Variants in SMPD1 observed in about 807,000 individuals in gnomAD.
SMPD1 encodes sphingomyelin phosphodiesterase 1, also known as sphingomyelin phosphodiesterase.
In SMPD1, 47 loss-of-function variants were observed where a neutral mutation model predicts 49.7. The observed-to-expected ratio is 0.95, with a 90% CI of 0.75 to 1.21. The LOEUF (loss-of-function observed/expected upper bound fraction) is 1.21, where lower values mean the gene tolerates loss of function less well. Ranked by LOEUF, SMPD1 falls within the 50% of genes most tolerant of loss-of-function variation. SMPD1 has a pLI of 0.00. For missense variants in SMPD1, 811 were observed against 822.2 expected (o/e 0.99, Z 0.17); for synonymous variants, 336 against 339.6 (o/e 0.99, Z 0.12).
rs766472784 is a variant in SMPD1 at position 6,393,360 on chromosome 11, T to A, written c.1236T>A (p.Leu412=). Residue 412 remains leucine, a synonymous_variant, in exon 3 of 6, where the codon CTT becomes CTA. Coordinates refer to ENST00000342245, the MANE Select transcript of SMPD1 (RefSeq NM_000543.5). ...AGCTCCAGTGGCTGGTGGGGGAGCT[T>A]CAGGCTGCTGAGGATCGAGGAGACA... ...AGQLQWLVGE[L]QAAEDRGDKV... 6.2e-7 allele frequency: 1 copy of A among 1,613,820 alleles called. No homozygotes were observed. Among genetic ancestry groups the A allele is most frequent in the South Asian group, 1.1e-5 (1 of 91,064 alleles).
intron 3 of SMPD1, 39 bp downstream of exon 3, chr11:6,393,426 C>T (rs1245287819): frequency 6.3e-7 from 1 of 1,592,220 alleles, no homozygotes; most frequent in Admixed American, 1.7e-5. Flanking sequence ...TGCTGGGGGA[C>T]AAGCAGGCTC....
rs142147633 is a variant in SMPD1 at position 6,391,599 on chromosome 11, C to T, written c.534C>T (p.Ile178=). ...GGGACATTTTCTCATCTTGGAACAT[C>T]TCTTTGCCTACTGTGCCGAAGCCGC... The part of the protein sequence containing the change: ...GHWDIFSSWN[I]SLPTVPKPPP... Residue 178 remains isoleucine (I), a synonymous_variant, in exon 2 of 6, where the codon ATC becomes ATT. Transcript: ENST00000342245. The T allele has an allele frequency of 1.6e-5, 25 of 1,607,252 alleles. 1 individual carries two copies. In the African/African-American group the frequency reaches 2.4e-4, roughly 15 times the overall value.
chr11:6,392,989 A>C (rs1231982489), intron 2 of SMPD1, among the ~76,000 whole-genome samples: 2 of 151,160 alleles, frequency 1.3e-5, no homozygotes, highest in African/African-American at 2.4e-5. Context: ...CTTGCTTCCC[A>C]TTCTAGCTAA....
At chr11:6,393,839 C>A in intron 4 of SMPD1, 57 bp from the exon 5 acceptor site, 1 of 1,606,716 alleles carries the variant, frequency 6.2e-7, no homozygotes, top group Non-Finnish European at 8.5e-7. Flanking sequence ...ATCCTATCTC[C>A]CCAGATGTCT....
At position 6,393,326 on chromosome 11, in the gene SMPD1, C is replaced by G. The variant is rs1206562843; in HGVS notation, c.1202C>G (p.Pro401Arg). 1 of 1,613,894 alleles carries G rather than the reference C, an allele frequency of 6.2e-7. No homozygotes were observed. The highest frequency in any genetic ancestry group is 2.2e-5 in the East Asian group (1 of 44,900). The change falls in exon 3 of 6, where the codon CCC becomes CGC. Residue 401 changes from proline to arginine, a missense_variant. By Grantham distance (103) the Pro-to-Arg change is moderately radical (BLOSUM62 -2). Coordinates refer to ENST00000342245, the MANE Select transcript of SMPD1 (RefSeq NM_000543.5). ...TGGCTCTTGATCAACTCCACGGATCCCGCAGGACAGCTCCAGTGGCTGGTG... is the reference window on the plus strand; with the variant it reads ...TGGCTCTTGATCAACTCCACGGATCGCGCAGGACAGCTCCAGTGGCTGGTG... Reference protein sequence around the residue: ...NFWLLINSTDPAGQLQWLVGE... With the variant: ...NFWLLINSTDRAGQLQWLVGE...
intron 1 of SMPD1, 141 bp downstream of exon 1, chr11:6,391,057 C>T (rs1847888073): frequency 8.9e-7 from 1 of 1,118,568 alleles, no homozygotes; most frequent in Non-Finnish European, 1.3e-6. Flanking sequence ...AGTTTGCTCC[C>T]CTTTGGGGAC....
Position 6,394,712 on chromosome 11 carries a change from G to A in SMPD1, c.*105G>A. The A allele has an allele frequency of 2.1e-6, 2 of 963,434 alleles. No homozygotes were observed. The highest frequency in any genetic ancestry group is 3.2e-6 in the Non-Finnish European group (2 of 628,744). 59.7% of individuals were successfully genotyped at this position (963,434 alleles called of 1,614,324 possible). A position where few individuals can be genotyped will look rare whatever the true frequency, so the allele number is the denominator to read the frequency against. Reference sequence around the variant, plus strand: ...GCAAGATCATCCGGTGAAAGAACCAGTCCCTGGGCCCCAAGGATGCCGGGG... The same window carrying A: ...GCAAGATCATCCGGTGAAAGAACCAATCCCTGGGCCCCAAGGATGCCGGGG... On this transcript the variant is annotated 3_prime_UTR_variant, in exon 6 of 6. Transcript: ENST00000342245.
rs755160837 is a variant in SMPD1 at position 6,393,376 on chromosome 11, C to G, written c.1252C>G (p.Arg418Gly). The G allele has an allele frequency of 6.2e-7, 1 of 1,612,758 alleles. No individual in the cohort carries two copies. The highest frequency in any genetic ancestry group is 1.7e-5 in the Admixed American group (1 of 59,956). ...LVGELQAAED[R>G]GDKVHIIGHI... ...GGGGGAGCTTCAGGCTGCTGAGGAT[C>G]GAGGAGACAAAGTGAGGGCCAGTAG... is the stretch of plus-strand genomic sequence containing the variant. The change falls in exon 3 of 6, where the codon CGA (arginine) becomes GGA (glycine). Residue 418 changes from arginine to glycine, a missense_variant. Physicochemically the swap from Arg to Gly is moderately radical, Grantham distance 125. Transcript: ENST00000342245.
Position 6,394,594 on chromosome 11 carries a change from C to A in SMPD1, c.1883C>A (p.Pro628Gln). 6.2e-7 allele frequency: 1 copy of A among 1,602,584 alleles called. No individual in the cohort carries two copies. The highest frequency in any genetic ancestry group is 8.5e-7 in the Non-Finnish European group (1 of 1,179,920). ...LPEAQSLWPR[P>Q]LFC ...GAGGCCCAGAGCCTGTGGCCAAGGC[C>A]ACTGTTTTGCTAGGGCCCCAGGGCC... Residue 628 changes from proline to glutamine, a missense_variant, in exon 6 of 6, where the codon CCA becomes CAA. Coordinates refer to ENST00000342245, the MANE Select transcript of SMPD1 (RefSeq NM_000543.5).
At position 6,390,663 on chromosome 11, in the gene SMPD1, A is replaced by G. The variant is rs765485028; in HGVS notation, c.65A>G (p.Asp22Gly). Residue 22 changes from aspartate to glycine, a missense_variant, in exon 1 of 6, where the codon GAC becomes GGC. Asp to Gly is a moderately conservative substitution (Grantham distance 94). Coordinates refer to ENST00000342245, the MANE Select transcript of SMPD1 (RefSeq NM_000543.5). ...CPRSGREQGQ[D>G]GTAGAPGLLW... is the part of the protein sequence containing the mutation. ...AGGTCCGGCCGGGAGCAGGGACAAG[A>G]CGGGACCGCCGGAGCCCCCGGACTC... 3.7e-6 allele frequency: 6 copies of G among 1,612,860 alleles called. No individual in the cohort carries two copies. The highest frequency in any genetic ancestry group is 1.3e-5 in the African/African-American group (1 of 74,718).
At position 6,390,588 on chromosome 11, in the gene SMPD1, G is replaced by A. The variant is rs1847852074; in HGVS notation, c.-11G>A. On this transcript the variant is annotated 5_prime_UTR_variant, in exon 1 of 6. Coordinates refer to ENST00000342245, the MANE Select transcript of SMPD1 (RefSeq NM_000543.5). Reference sequence around the variant, plus strand: ...GGACAGACGAACCAGCCCCGTGTAGGAAGCGCGACAATGCCCCGCTACGGA... The same window carrying A: ...GGACAGACGAACCAGCCCCGTGTAGAAAGCGCGACAATGCCCCGCTACGGA... 1 of 1,610,620 alleles carries A rather than the reference G, an allele frequency of 6.2e-7. No individual in the cohort carries two copies. Among genetic ancestry groups the A allele is most frequent in the Non-Finnish European group, 8.5e-7 (1 of 1,179,148 alleles).
intron 2 of SMPD1, among the ~76,000 whole-genome samples, chr11:6,392,742 C>A (rs1451942598): frequency 6.6e-6 from 1 of 151,906 alleles, no homozygotes; most frequent in Non-Finnish European, 1.5e-5. Flanking sequence ...ATCTGCCCAC[C>A]TCGGCCTCCC....
At chr11:6,393,749 A>C in intron 4 of SMPD1, 56 bp downstream of exon 4, 1 of 1,567,156 alleles carries the variant, frequency 6.4e-7, no homozygotes. Flanking sequence ...AAGGCTGAAA[A>C]TTCCCTTGAG....
Position 6,393,221 on chromosome 11 carries a change from G to C in SMPD1, c.1097G>C (p.Gly366Ala). 6.2e-7 allele frequency: 1 copy of C among 1,613,666 alleles called. No homozygotes were observed. The highest frequency in any genetic ancestry group is 8.5e-7 in the Non-Finnish European group (1 of 1,179,684). The change falls in exon 3 of 6, where the codon GGG (glycine) becomes GCG (alanine). Residue 366 changes from glycine to alanine, a missense_variant. By Grantham distance (60) the Gly-to-Ala change is moderately conservative. Transcript: ENST00000342245. The part of the protein sequence containing the change: ...PAEALRTLRI[G>A]GFYALSPYPG... ...TCATGTTTACTTTGTTTCAGAATTGGGGGGTTCTATGCTCTTTCCCCATAC... is the reference window on the plus strand; with the variant it reads ...TCATGTTTACTTTGTTTCAGAATTGCGGGGTTCTATGCTCTTTCCCCATAC...
chr11:6,394,688 C>A lies in SMPD1; in HGVS notation c.*81C>A. 1.7e-6 allele frequency: 2 copies of A among 1,197,964 alleles called. No homozygotes were observed. Among genetic ancestry groups the A allele is most frequent in the Non-Finnish European group, 2.4e-6 (2 of 833,184 alleles). The allele number at this position is 1,197,964 out of a possible 1,614,324, so 74.2% of individuals were successfully genotyped here. On this transcript the variant is annotated 3_prime_UTR_variant, in exon 6 of 6. Transcript: ENST00000342245. Reference sequence around the variant, plus strand: ...CAAATGCTGCTGTGGTTCAACCAGGCAAGATCATCCGGTGAAAGAACCAGT... The same window carrying A: ...CAAATGCTGCTGTGGTTCAACCAGGAAAGATCATCCGGTGAAAGAACCAGT...
In SMPD1 at chr11:6,393,327, C is replaced by T. The variant is rs376494095; in HGVS notation, c.1203C>T (p.Pro401=). 9.9e-6 allele frequency: 16 copies of T among 1,613,860 alleles called. No homozygotes were observed. Among genetic ancestry groups the T allele is most frequent in the East Asian group, 2.2e-5 (1 of 44,902 alleles). The change falls in exon 3 of 6, where the codon CCC becomes CCT. Residue 401 remains proline, a synonymous_variant. Coordinates refer to ENST00000342245, the MANE Select transcript of SMPD1 (RefSeq NM_000543.5). ...NFWLLINSTD[P]AGQLQWLVGE... ...GGCTCTTGATCAACTCCACGGATCC[C>T]GCAGGACAGCTCCAGTGGCTGGTGG...
rs142942704 is a variant in SMPD1, at chr11:6,394,701, T to A, written c.*94T>A. ...GGTTCAACCAGGCAAGATCATCCGG[T>A]GAAAGAACCAGTCCCTGGGCCCCAA... On this transcript the variant is annotated 3_prime_UTR_variant, in exon 6 of 6. Coordinates refer to ENST00000342245, the MANE Select transcript of SMPD1 (RefSeq NM_000543.5). 88 of 1,068,122 alleles carry A rather than the reference T, an allele frequency of 8.2e-5. No homozygotes were observed. In the African/African-American group the frequency reaches 1.2e-3, roughly 15 times the overall value. The allele number at this position is 1,068,122 out of a possible 1,614,324, so 66.2% of individuals were successfully genotyped here.
rs1564924727 is a variant in SMPD1, at chr11:6,392,164, T to C, written c.1091+8T>C. 2 of 1,614,016 alleles carry C rather than the reference T, an allele frequency of 1.2e-6. No homozygotes were observed. The highest frequency in any genetic ancestry group is 1.7e-6 in the Non-Finnish European group (2 of 1,180,010). On this transcript the variant is annotated splice_region_variant and intron_variant, in intron 2 of 5. Coordinates refer to ENST00000342245, the MANE Select transcript of SMPD1 (RefSeq NM_000543.5). ...AGCCCTGCGCACCCTCAGGTACTTATCGTCCGTGGAAACCCAGGAAGGGAA... is the reference window on the plus strand; with the variant it reads ...AGCCCTGCGCACCCTCAGGTACTTACCGTCCGTGGAAACCCAGGAAGGGAA...
At chr11:6,390,970 G>A in intron 1 of SMPD1, 54 bp downstream of exon 1, 1 of 1,601,090 alleles carries the variant, frequency 6.2e-7, no homozygotes, top group South Asian at 1.1e-5. Context: ...CTGGGGCTGG[G>A]GGCTGGGGCT....
Sources: gnomAD v4.1 joint callset for allele counts (sites outside exome capture counted in the v4.1 genomes callset) on GRCh38, gnomAD v4.1.1 for gene constraint, MANE v1.5 for transcripts, NCBI Gene and HGNC (gene_info 2026-07-23, HGNC 2026-07-21) for gene names.